The following CTNNA2 variants were observed in gnomAD, a reference collection of about 807,000 sequenced individuals.
CTNNA2 encodes catenin alpha 2.
Under a neutral mutation model 101.0 loss-of-function variants are expected in CTNNA2, and 42 were observed. That is an observed-to-expected ratio of 0.42 (90% CI 0.32 to 0.54). The LOEUF is 0.54. Ranked by LOEUF, CTNNA2 falls within the 20% of genes least tolerant of loss-of-function variation. The probability of loss-of-function intolerance (pLI) is 0.14; values close to 1 mark genes in which losing one functional copy is unlikely to be tolerated. For synonymous variants in CTNNA2, 450 were observed against 456.4 expected, an observed-to-expected ratio of 0.99 and a Z score of 0.18; for missense variants, 871 against 1,223.1, an observed-to-expected ratio of 0.71 and a Z score of 4.29.
At chr2:79,410,477 T>C (rs1420719239) in intron 4 of CTNNA2, among the ~76,000 whole-genome samples, 1 of 152,182 alleles carries the variant, frequency 6.6e-6, no homozygotes, top group African/African-American at 2.4e-5. Context: ...ATTTGTCCCA[T>C]CAATACCTAA....
chr2:79,251,747 AT>A (rs1402398772), intron 2 of CTNNA2, among the ~76,000 whole-genome samples: 5 of 152,102 alleles, frequency 3.3e-5, no homozygotes, highest in African/African-American at 1.2e-4. Flanking sequence ...GGGCCTGGAC[AT>A]GACTGCAGCC....
chr2:80,532,363 A>T (rs1402447354), intron 9 of CTNNA2, among the ~76,000 whole-genome samples: 2 of 152,122 alleles, frequency 1.3e-5, no homozygotes, highest in African/African-American at 4.8e-5. Context: ...CCTGAATGTC[A>T]ATCCTCCTTT....
At chr2:79,778,339 C>T (rs1036443323) in intron 3 of CTNNA2, among the ~76,000 whole-genome samples, 2 of 147,796 alleles carry the variant, frequency 1.4e-5, no homozygotes, top group African/African-American at 5.0e-5. Context: ...AGTGAGACTC[C>T]ATCAAAAAAA....
intron 7 of CTNNA2, among the ~76,000 whole-genome samples, chr2:80,228,337 T>C (rs1558922805): frequency 1.3e-5 from 2 of 152,206 alleles, no homozygotes; most frequent in Admixed American, 1.3e-4. Context: ...GTCTTCTGGC[T>C]GTGTTTTCAT....
rs1486814756 is a variant in CTNNA2, at chr2:79,741,893, A to AT, written c.103-2492dup. ...AAAACACTGAATAGCAGTGAAAAGC[A>AT]TTGACAATTGTTTATTCCGAGCTGA... On this transcript the variant is annotated intron_variant, in intron 2 of 18. Transcript: ENST00000402739. 2.6e-5 allele frequency among the ~76,000 whole-genome samples: 4 copies of AT among 152,196 alleles called. No individual in the cohort carries two copies. In the East Asian group the frequency reaches 7.7e-4, roughly 29 times the overall value.
chr2:80,209,027 T>C (rs1360860003), intron 7 of CTNNA2, among the ~76,000 whole-genome samples: 1 of 152,112 alleles, frequency 6.6e-6, no homozygotes, highest in Admixed American at 6.5e-5. Context: ...ACTCTTTTTT[T>C]CTAAGGAGAA....
intron 4 of CTNNA2, among the ~76,000 whole-genome samples, chr2:79,399,260 A>G (rs1343616987): frequency 1.3e-5 from 2 of 152,258 alleles, no homozygotes; most frequent in East Asian, 3.9e-4. Context: ...TCCATAGGAA[A>G]CTTTGCAAAG....
intron 4 of CTNNA2, among the ~76,000 whole-genome samples, chr2:79,504,105 T>C (rs574327788): frequency 2.6e-4 from 39 of 152,294 alleles, no homozygotes; most frequent in African/African-American, 9.4e-4. Flanking sequence ...GAGGACGATA[T>C]TAACTGAGAT....
At chr2:80,288,649 A>T (rs1358957034) in intron 7 of CTNNA2, 1 of 152,260 alleles carries the variant, frequency 6.6e-6, no homozygotes, top group African/African-American at 2.4e-5. Context: ...AATTGCTGTT[A>T]TGCAGTCTGC....
chr2:80,096,391 T>G (rs1196315046), intron 7 of CTNNA2, among the ~76,000 whole-genome samples: 1 of 152,338 alleles, frequency 6.6e-6, no homozygotes. Flanking sequence ...ATTTCTGTTC[T>G]TTTACATTTG....
chr2:79,814,137 AAT>A (rs1219420272), intron 3 of CTNNA2, among the ~76,000 whole-genome samples: 1 of 152,194 alleles, frequency 6.6e-6, no homozygotes, highest in Non-Finnish European at 1.5e-5. Flanking sequence ...CATCTTAACT[AAT>A]ACATGAGTGC....
chr2:79,771,365 G>C (rs1390367548), intron 3 of CTNNA2, among the ~76,000 whole-genome samples: 1 of 152,178 alleles, frequency 6.6e-6, no homozygotes, highest in Admixed American at 6.5e-5. Flanking sequence ...TTTTTCCTCA[G>C]ACGAGGGGTA....
At chr2:80,069,659 G>A (rs1017907194) in intron 7 of CTNNA2, among the ~76,000 whole-genome samples, 1 of 152,040 alleles carries the variant, frequency 6.6e-6, no homozygotes, top group Non-Finnish European at 1.5e-5. Context: ...ATGTGATAAG[G>A]GAATAAGAGA....
chr2:79,729,777 G>A (rs982570289), intron 2 of CTNNA2, among the ~76,000 whole-genome samples: 5 of 152,032 alleles, frequency 3.3e-5, no homozygotes, highest in African/African-American at 1.2e-4. Context: ...TGGAAGGCTG[G>A]CTATTCTATC....
At chr2:79,825,988 A>G (rs574110573) in intron 3 of CTNNA2, among the ~76,000 whole-genome samples, 2 of 152,340 alleles carry the variant, frequency 1.3e-5, no homozygotes, top group Admixed American at 6.5e-5. Flanking sequence ...TGCAAGTGCC[A>G]TCACCTCTTT....
intron 3 of CTNNA2, among the ~76,000 whole-genome samples, chr2:79,356,068 A>G (rs1237329040): frequency 1.3e-5 from 2 of 151,510 alleles, no homozygotes; most frequent in Non-Finnish European, 2.9e-5. Flanking sequence ...GCGTATATAT[A>G]TAAATATAAA....
intron 2 of CTNNA2, among the ~76,000 whole-genome samples, chr2:79,707,492 C>A (rs754240946): frequency 1.3e-5 from 2 of 152,202 alleles, no homozygotes; most frequent in African/African-American, 2.4e-5. Flanking sequence ...TTGGTAACTT[C>A]TTCAGTCCTA....
chr2:79,838,942 C>A (rs565159785), intron 3 of CTNNA2, among the ~76,000 whole-genome samples: 21 of 152,160 alleles, frequency 1.4e-4, no homozygotes, highest in African/African-American at 4.8e-4. Flanking sequence ...TGTGCTGCCA[C>A]CACCATTAGT....
chr2:79,635,313 T>G (rs1270738355), intron 1 of CTNNA2, among the ~76,000 whole-genome samples: 2 of 151,696 alleles, frequency 1.3e-5, no homozygotes, highest in Non-Finnish European at 2.9e-5. Flanking sequence ...GCGCCTGTAG[T>G]CCCAGCTACT....
Sources: gnomAD v4.1 joint callset for allele counts (sites outside exome capture counted in the v4.1 genomes callset) on GRCh38, gnomAD v4.1.1 for gene constraint, MANE v1.5 for transcripts, NCBI Gene and HGNC (gene_info 2026-07-23, HGNC 2026-07-21) for gene names.